Variants in ZNF782 observed in about 807,000 individuals in gnomAD.
ZNF782 encodes the protein zinc finger protein 782.
Under a neutral mutation model 13.0 loss-of-function variants are expected in ZNF782, and 12 were observed. The ratio of observed to expected loss-of-function variants is 0.92; its 90% CI spans 0.59 to 1.50. ZNF782 has a LOEUF of 1.50. Ranked by LOEUF, ZNF782 falls within the 40% of genes most tolerant of loss-of-function variation. The pLI is 0.00. For missense variants in ZNF782, 770 were observed against 822.9 expected, an observed-to-expected ratio of 0.94 and a Z score of 0.79; for synonymous variants, 284 against 283.0, an observed-to-expected ratio of 1.00 and a Z score of -0.04.
At chr9:96,860,003 G>A (rs1008564862) in intron 3 of ZNF782, among the ~76,000 whole-genome samples, 4 of 152,182 alleles carry the variant, frequency 2.6e-5, no homozygotes, top group Non-Finnish European at 5.9e-5. Context: ...ATGAGACTGT[G>A]ATGACGTCGT....
chr9:96,863,254 T>C (rs1851723635), intron 1 of ZNF782, among the ~76,000 whole-genome samples: 1 of 152,152 alleles, frequency 6.6e-6, no homozygotes, highest in African/African-American at 2.4e-5. Context: ...TAGAATATAT[T>C]TTCTTTCAGG....
chr9:96,848,279 C>T (rs998906596), intron 3 of ZNF782, among the ~76,000 whole-genome samples: 5 of 152,106 alleles, frequency 3.3e-5, no homozygotes, highest in African/African-American at 1.2e-4. Context: ...GCTTTCACCA[C>T]TCCTGTTCAA....
chr9:96,887,424 G>A, the ZNF782 span: 1 of 152,146 alleles, frequency 6.6e-6, no homozygotes, highest in South Asian at 2.1e-4. Flanking sequence ...TTGCTACAAG[G>A]CAATTCTTCA....
In ZNF782 at chr9:96,819,042, C is replaced by T. The variant is rs571326114; in HGVS notation, c.981G>A (p.Val327=). ...TATCTGTTGCATGAGTTCTCTGATGCACTGGGAGGGTTGAATTACGGTTGA... is the reference window on the plus strand; with the variant it reads ...TATCTGTTGCATGAGTTCTCTGATGTACTGGGAGGGTTGAATTACGGTTGA... The part of the protein sequence containing the change: ...KSFNRNSTLP[V]HQRTHATDKY... Residue 327 remains valine, a synonymous_variant, in exon 6 of 6, where the codon GTG becomes GTA. Coordinates refer to ENST00000481138, the MANE Select transcript of ZNF782 (RefSeq NM_001001662.3). The T allele has an allele frequency of 1.9e-5, 30 of 1,614,176 alleles. No individual in the cohort carries two copies. The African/African-American group carries it at 3.9e-4, about 21-fold the overall frequency.
At chr9:96,857,818 T>C (rs1184341063), upstream of ZNF782, among the ~76,000 whole-genome samples, 1 of 152,260 alleles carries the variant, frequency 6.6e-6, no homozygotes, top group Non-Finnish European at 1.5e-5. Flanking sequence ...GAAATGGACA[T>C]GAAAACCACA....
chr9:96,892,745 CAAG>C, the ZNF782 span: 3 of 151,882 alleles, frequency 2.0e-5, no homozygotes, highest in Admixed American at 2.0e-4. Context: ...TAATAAAGCC[CAAG>C]AAGAAATAAC....
chr9:96,911,521 G>GTTT, the ZNF782 span, among the ~76,000 whole-genome samples: 11 of 109,614 alleles, frequency 1.0e-4, no homozygotes, highest in African/African-American at 7.3e-5. Context: ...TTTTTGTTTT[G>GTTT]TTTTGTTTTT....
Position 96,818,272 on chromosome 9 carries a change from T to C in ZNF782, c.1751A>G (p.His584Arg), listed in dbSNP as rs777610500. The C allele has an allele frequency of 3.7e-6, 6 of 1,613,542 alleles. No individual in the cohort carries two copies. Among genetic ancestry groups the C allele is most frequent in the Non-Finnish European group, 5.1e-6 (6 of 1,179,606 alleles). The change falls in exon 6 of 6, where the codon CAT becomes CGT. Residue 584 changes from histidine (H) to arginine (R), a missense_variant. Coordinates refer to ENST00000481138, the MANE Select transcript of ZNF782 (RefSeq NM_001001662.3). Reference protein sequence around the residue: ...KSNLRVHHRTHTGEKPYQCEE... With the variant: ...KSNLRVHHRTRTGEKPYQCEE... ...ACATTGATAGGGTTTCTCCCCAGTATGAGTTCTGTGATGTACTCTGAGGTT... is the reference window on the plus strand; with the variant it reads ...ACATTGATAGGGTTTCTCCCCAGTACGAGTTCTGTGATGTACTCTGAGGTT...
chr9:96,927,647 G>T, the ZNF782 span, among the ~76,000 whole-genome samples: 2 of 152,106 alleles, frequency 1.3e-5, no homozygotes, highest in African/African-American at 2.4e-5. Context: ...CAAGATCCCA[G>T]TGAAATGTGA....
chr9:96,841,444 C>A (rs566667381), intron 4 of ZNF782, among the ~76,000 whole-genome samples: 1 of 151,968 alleles, frequency 6.6e-6, no homozygotes, highest in African/African-American at 2.4e-5. Context: ...AAACTACAGA[C>A]CAATTTCTCT....
the ZNF782 span, among the ~76,000 whole-genome samples, chr9:96,913,575 G>A: frequency 3.3e-5 from 5 of 150,710 alleles, no homozygotes; most frequent in African/African-American, 1.2e-4. Context: ...CCAAGCTGGA[G>A]TGCAGTGGCA....
chr9:96,931,905 G>A, the ZNF782 span: 30 of 1,612,090 alleles, frequency 1.9e-5, no homozygotes, highest in South Asian at 3.2e-4. Context: ...CTAGTGGCAG[G>A]ACAGGATGGC....
chr9:96,835,387 G>A (rs538257771), intron 4 of ZNF782, among the ~76,000 whole-genome samples: 1 of 152,360 alleles, frequency 6.6e-6, no homozygotes, highest in East Asian at 1.9e-4. Context: ...CTGAGCAACT[G>A]CTTGCTAAAG....
the ZNF782 span, among the ~76,000 whole-genome samples, chr9:96,915,128 T>A: frequency 6.6e-6 from 1 of 150,726 alleles, no homozygotes; most frequent in East Asian, 1.9e-4. Flanking sequence ...TTGTTCAACC[T>A]GATTCTACCC....
the ZNF782 span, among the ~76,000 whole-genome samples, chr9:96,885,989 A>C: frequency 1.3e-5 from 2 of 152,130 alleles, no homozygotes; most frequent in Non-Finnish European, 2.9e-5. Flanking sequence ...CTGGGACCAC[A>C]GGCACATGCC....
chr9:96,881,446 T>C, the ZNF782 span, among the ~76,000 whole-genome samples: 1 of 152,168 alleles, frequency 6.6e-6, no homozygotes, highest in Non-Finnish European at 1.5e-5. Flanking sequence ...AGATATTATG[T>C]TGTAAATGAT....
At chr9:96,822,885 A>G (rs1850475429) in intron 5 of ZNF782, among the ~76,000 whole-genome samples, 1 of 152,160 alleles carries the variant, frequency 6.6e-6, no homozygotes, top group Non-Finnish European at 1.5e-5. Context: ...ATAGACTTTA[A>G]TTCTTCTTAC....
At chr9:96,867,267 T>G (rs1484203121) in intron 1 of ZNF782, among the ~76,000 whole-genome samples, 2 of 152,140 alleles carry the variant, frequency 1.3e-5, no homozygotes, top group Non-Finnish European at 2.9e-5. Flanking sequence ...CCCATGCTGT[T>G]CTTGTGATAG....
the ZNF782 span, among the ~76,000 whole-genome samples, chr9:96,923,157 A>G: frequency 1.3e-5 from 2 of 148,648 alleles, 1 homozygote; most frequent in South Asian, 4.4e-4. Context: ...ACATTCATCC[A>G]AACTGCCATG....
Sources: allele counts gnomAD v4.1 joint callset (sites outside exome capture counted in the v4.1 genomes callset), GRCh38; gene constraint gnomAD v4.1.1; transcripts MANE v1.5; gene names NCBI Gene and HGNC (gene_info 2026-07-23, HGNC 2026-07-21).